Variants in PSTPIP1 observed in about 807,000 individuals in gnomAD.
The protein encoded by PSTPIP1 is proline-serine-threonine phosphatase-interacting protein 1.
PSTPIP1 carries 66 observed loss-of-function variants against 69.6 expected under a neutral mutation model. That is an observed-to-expected ratio of 0.95 (90% CI 0.78 to 1.16). The LOEUF is 1.16. PSTPIP1 is among the 50% of genes most tolerant of loss of function. PSTPIP1 has a pLI of 0.00. For synonymous variants in PSTPIP1, 266 were observed against 222.7 expected (o/e 1.19, Z -1.73); for missense variants, 603 against 557.4 (o/e 1.08, Z -0.82).
intron 1 of PSTPIP1, among the ~76,000 whole-genome samples, chr15:77,004,770 G>A (rs2075782668): frequency 6.6e-6 from 1 of 151,888 alleles, no homozygotes; most frequent in Non-Finnish European, 1.5e-5. Context: ...TGGAGTGGAA[G>A]GGTCACTTGA....
At chr15:76,995,896 G>A (rs1158759312) in intron 1 of PSTPIP1, among the ~76,000 whole-genome samples, 2 of 152,218 alleles carry the variant, frequency 1.3e-5, no homozygotes, top group African/African-American at 4.8e-5. Flanking sequence ...TAACACATGG[G>A]TGGGGGCTTG....
intron 1 of PSTPIP1, among the ~76,000 whole-genome samples, chr15:77,013,809 G>A (rs2075994676): frequency 6.6e-6 from 1 of 152,204 alleles, no homozygotes; most frequent in African/African-American, 2.4e-5. Context: ...CCCCCTCCAA[G>A]GTTGGAGGCT....
At chr15:77,016,257 G>T (rs1001337207) in intron 1 of PSTPIP1, among the ~76,000 whole-genome samples, 1 of 152,200 alleles carries the variant, frequency 6.6e-6, no homozygotes, top group African/African-American at 2.4e-5. Context: ...GGGCGGGGGG[G>T]TCTGTGGCAT....
intron 1 of PSTPIP1, among the ~76,000 whole-genome samples, chr15:77,005,032 G>A (rs2075788695): frequency 6.6e-6 from 1 of 152,144 alleles, no homozygotes; most frequent in Non-Finnish European, 1.5e-5. Flanking sequence ...AAGTTCCCCA[G>A]TGCCTCCATG....
In PSTPIP1 at chr15:77,027,924, A is replaced by C. The variant is rs758258744; in HGVS notation, c.417+10A>C. 34 of 1,554,418 alleles carry C rather than the reference A, an allele frequency of 2.2e-5. No homozygotes were observed. Among genetic ancestry groups the C allele is most frequent in the Non-Finnish European group, 2.9e-5 (33 of 1,148,486 alleles). Reference sequence around the variant, plus strand: ...CAAGAAGGCCATGGAGGTGAGCGCCAGGGCCTGGGGCCGCGGCCTTCCCTC... The same window carrying C: ...CAAGAAGGCCATGGAGGTGAGCGCCCGGGCCTGGGGCCGCGGCCTTCCCTC... On this transcript the variant is annotated intron_variant, in intron 6 of 14. Coordinates refer to ENST00000558012, the MANE Select transcript of PSTPIP1 (RefSeq NM_003978.5). The surrounding 1 kb of genome is among the most constrained non-coding windows in gnomAD (Gnocchi z 4.3).
intron 8 of PSTPIP1, among the ~76,000 whole-genome samples, chr15:77,029,804 CTGT>C (rs1171212358): frequency 2.0e-5 from 3 of 152,216 alleles, no homozygotes; most frequent in Admixed American, 2.0e-4. Context: ...GAGGTGGCTG[CTGT>C]TACTGTTCCC....
chr15:77,017,081 T>A (rs2076065805), intron 1 of PSTPIP1, among the ~76,000 whole-genome samples: 1 of 152,076 alleles, frequency 6.6e-6, no homozygotes, highest in African/African-American at 2.4e-5. Flanking sequence ...TTGGTGCAGT[T>A]GGTGACAAAA....
chr15:77,030,441 T>C (rs1256490580), intron 8 of PSTPIP1, 61 bp from the exon 9 acceptor site: 2 of 1,544,768 alleles, frequency 1.3e-6, no homozygotes, highest in South Asian at 1.2e-5. Flanking sequence ...TGGGACCTGC[T>C]GGAGTACAGG....
At position 77,021,001 on chromosome 15, in the gene PSTPIP1, C is replaced by T. The variant is rs543525649; in HGVS notation, c.212+2470C>T. Among the ~76,000 whole-genome samples, 75 of 152,310 alleles carry T rather than the reference C, an allele frequency of 4.9e-4. 1 individual carries two copies. The South Asian group carries it at 0.011, about 21-fold the overall frequency. On this transcript the variant is annotated intron_variant, in intron 3 of 14. Coordinates refer to ENST00000558012, the MANE Select transcript of PSTPIP1 (RefSeq NM_003978.5). ...TGGCCTCCCTGAGGCCCACAGCTGC[C>T]CCCCAGGTCTATGGGATGCTCATTC...
At chr15:77,032,193 A>G (rs2076434167) in intron 10 of PSTPIP1, 105 bp from the exon 11 acceptor site, 3 of 1,144,984 alleles carry the variant, frequency 2.6e-6, no homozygotes, top group Admixed American at 2.1e-5. Context: ...GCCGCGCACA[A>G]TGGCCTGTGA....
rs551123591 is a variant in PSTPIP1, at chr15:77,003,664, A to G, written c.36+8055A>G. On this transcript the variant is annotated intron_variant, in intron 1 of 14. Coordinates refer to ENST00000558012, the MANE Select transcript of PSTPIP1 (RefSeq NM_003978.5). ...GAACGAAACTCCGTCTCAAAAAAAA[A>G]AAAAGAAGAAGAAGGAAGCGGGCTT... Among the ~76,000 whole-genome samples, 33 of 152,134 alleles carry G rather than the reference A, an allele frequency of 2.2e-4. No homozygotes were observed. The East Asian group carries it at 5.8e-3, about 27-fold the overall frequency.
chr15:77,028,344 G>C, intron 6 of PSTPIP1: 2 of 539,768 alleles, frequency 3.7e-6, no homozygotes, highest in Non-Finnish European at 6.6e-6. Flanking sequence ...TGTCCTCAGT[G>C]GGGAGGGCCT....
Position 77,025,557 on chromosome 15 carries a change from C to G in PSTPIP1, c.307C>G (p.Arg103Gly). 1.3e-6 allele frequency: 2 copies of G among 1,554,342 alleles called. No individual in the cohort carries two copies. The highest frequency in any genetic ancestry group is 1.2e-5 in the South Asian group (1 of 84,348). Residue 103 changes from arginine to glycine, a missense_variant, in exon 5 of 15, where the codon CGG becomes GGG. Coordinates refer to ENST00000558012, the MANE Select transcript of PSTPIP1 (RefSeq NM_003978.5). ...QLALTLREELRSLEEFRERQK... is the reference protein window; with the variant it reads ...QLALTLREELGSLEEFRERQK... ...GGCCCTGACCCTGCGTGAGGAGCTG[C>G]GGAGTCTCGAGGAGTTTCGTGAGAG...
chr15:76,995,127 A>C lies in PSTPIP1; in HGVS notation c.-447A>C. ...TGCCTGCCCCGGGGGAGGTTGCACA[A>C]ACCTTCCTGCGCAGGCCTCGGGCTG... On this transcript the variant is annotated 5_prime_UTR_variant, in exon 1 of 15. Coordinates refer to ENST00000558012, the MANE Select transcript of PSTPIP1 (RefSeq NM_003978.5). The C allele has an allele frequency of 8.5e-7, 1 of 1,174,770 alleles. No homozygotes were observed. 72.8% of individuals were successfully genotyped at this position (1,174,770 alleles called of 1,614,324 possible).
intron 5 of PSTPIP1, chr15:77,026,235 G>T: frequency 2.2e-6 from 1 of 455,576 alleles, no homozygotes; most frequent in South Asian, 1.5e-5. Flanking sequence ...TTGGATATAG[G>T]TTCCCTGGAG....
intron 1 of PSTPIP1, among the ~76,000 whole-genome samples, chr15:77,008,513 A>G (rs1172374041): frequency 6.6e-6 from 1 of 151,926 alleles, no homozygotes; most frequent in African/African-American, 2.4e-5. Context: ...GGGCTCAAGC[A>G]ATTATCCTGC....
intron 9 of PSTPIP1, 122 bp from the exon 10 acceptor site, chr15:77,031,058 G>A: frequency 1.1e-6 from 1 of 949,084 alleles, no homozygotes; most frequent in Non-Finnish European, 1.6e-6. Context: ...TCTCTCCTTT[G>A]GACTGGGCTT....
chr15:77,033,155 C>T (rs780092404), intron 12 of PSTPIP1, among the ~76,000 whole-genome samples: 6 of 152,222 alleles, frequency 3.9e-5, no homozygotes, highest in Non-Finnish European at 8.8e-5. Context: ...GACCCAGACA[C>T]TAGAATAATC....
intron 3 of PSTPIP1, among the ~76,000 whole-genome samples, chr15:77,022,198 G>C (rs897508774): frequency 1.3e-5 from 2 of 152,222 alleles, no homozygotes; most frequent in African/African-American, 4.8e-5. Context: ...GAGGATATTG[G>C]CGGGAGAGAG....
Sources: allele counts gnomAD v4.1 joint callset (sites outside exome capture counted in the v4.1 genomes callset), GRCh38; gene constraint gnomAD v4.1.1; non-coding constraint Gnocchi (gnomAD v3.1); transcripts MANE v1.5; gene names NCBI Gene and HGNC (gene_info 2026-07-23, HGNC 2026-07-21).